The following NHSL3 variants were observed in gnomAD, a reference collection of about 807,000 sequenced individuals.
NHSL3 encodes the protein NHS-like protein 3.
At chr1:32,754,080 C>A in the NHSL3 span, 1 of 660,602 alleles carries the variant, frequency 1.5e-6, no homozygotes, top group East Asian at 3.3e-5. Flanking sequence ...CGCCGGCTCC[C>A]GCACCCGCAA....
the NHSL3 span, among the ~76,000 whole-genome samples, chr1:32,748,682 CT>C: frequency 6.6e-6 from 1 of 152,122 alleles, no homozygotes; most frequent in East Asian, 1.9e-4. Context: ...TTTCCAGCCA[CT>C]TTCTTCTTGG....
At chr1:32,767,392 G>A in the NHSL3 span, among the ~76,000 whole-genome samples, 12 of 152,084 alleles carry the variant, frequency 7.9e-5, no homozygotes, top group African/African-American at 1.7e-4. Flanking sequence ...GTTTACGTGC[G>A]GGCTGGGTGT....
At chr1:32,750,268 T>G in the NHSL3 span, among the ~76,000 whole-genome samples, 1 of 152,122 alleles carries the variant, frequency 6.6e-6, no homozygotes, top group Non-Finnish European at 1.5e-5. Flanking sequence ...TGTACTCCAC[T>G]GTCCTGAGGG....
chr1:32,768,727 A>G, the NHSL3 span: 2 of 1,614,112 alleles, frequency 1.2e-6, no homozygotes, highest in Non-Finnish European at 1.7e-6. Context: ...TGAGAGCTCC[A>G]CAGCAGAGGA....
the NHSL3 span, chr1:32,742,063 G>T: frequency 7.9e-7 from 1 of 1,262,578 alleles, no homozygotes; most frequent in Non-Finnish European, 1.0e-6. Flanking sequence ...CCTCCGCCGC[G>T]CCTTCAGCTG....
chr1:32,754,175 C>G, the NHSL3 span: 1 of 709,912 alleles, frequency 1.4e-6, no homozygotes, highest in Non-Finnish European at 2.6e-6. Flanking sequence ...GCGAAGCGGC[C>G]GGCAGGTAGG....
At chr1:32,768,992 T>G in the NHSL3 span, 2 of 508,822 alleles carry the variant, frequency 3.9e-6, no homozygotes, top group South Asian at 5.6e-5. Flanking sequence ...GGCTCACGCC[T>G]GTAATCCCAG....
At chr1:32,743,026 G>A in the NHSL3 span, among the ~76,000 whole-genome samples, 1 of 152,230 alleles carries the variant, frequency 6.6e-6, no homozygotes, top group African/African-American at 2.4e-5. Flanking sequence ...GAAAGGCGGG[G>A]AAGCCGACCT....
chr1:32,766,567 G>A, the NHSL3 span, among the ~76,000 whole-genome samples: 4 of 152,272 alleles, frequency 2.6e-5, no homozygotes, highest in Middle Eastern at 0.01. Context: ...CTGACCTGTG[G>A]GATTCCTGCA....
At chr1:32,771,026 T>G in the NHSL3 span, 4 of 1,563,132 alleles carry the variant, frequency 2.6e-6, no homozygotes, top group Non-Finnish European at 3.5e-6. Flanking sequence ...CCAGAGCGTG[T>G]CACGTCTCTT....
At chr1:32,768,887 G>C in the NHSL3 span, 5 of 1,284,784 alleles carry the variant, frequency 3.9e-6, no homozygotes, top group South Asian at 5.7e-5. Context: ...CAATGAATTC[G>C]GGAAACACAG....
chr1:32,756,473 C>CCA, the NHSL3 span, among the ~76,000 whole-genome samples: 1 of 102,834 alleles, frequency 9.7e-6, no homozygotes, highest in East Asian at 3.5e-4. Flanking sequence ...TGACGAGACC[C>CCA]CCCCCCCCCG....
chr1:32,771,647 C>T, the NHSL3 span: 18 of 1,612,438 alleles, frequency 1.1e-5, no homozygotes, highest in South Asian at 1.5e-4. Flanking sequence ...TCCTCAGCTA[C>T]TGCTTTGCAG....
chr1:32,770,790 C>A, the NHSL3 span: 1 of 1,589,378 alleles, frequency 6.3e-7, no homozygotes. This position sits in a 1 kb window ranked among gnomAD's most constrained non-coding sequence, Gnocchi z 8.3. Context: ...CTCGGCCACC[C>A]ACCACTGGTG....
chr1:32,752,670 C>T, the NHSL3 span, among the ~76,000 whole-genome samples: 83 of 149,126 alleles, frequency 5.6e-4, no homozygotes, highest in Non-Finnish European at 1.1e-3. Context: ...CTCTGCCTCC[C>T]AGGTTCAAGC....
chr1:32,771,623 C>T, the NHSL3 span: 98 of 1,613,088 alleles, frequency 6.1e-5, no homozygotes, highest in East Asian at 1.6e-4. Context: ...GTCAGCTCCC[C>T]GGCTGCTTCG....
At chr1:32,773,858 C>T in the NHSL3 span, 2 of 152,722 alleles carry the variant, frequency 1.3e-5, no homozygotes, top group African/African-American at 4.8e-5. Flanking sequence ...CATTCTCTGA[C>T]CTTTCTCTCT....
At chr1:32,750,945 G>A in the NHSL3 span, among the ~76,000 whole-genome samples, 2 of 151,940 alleles carry the variant, frequency 1.3e-5, no homozygotes, top group South Asian at 2.1e-4. Flanking sequence ...CCAAGTAGCC[G>A]GGACTACAGG....
the NHSL3 span, chr1:32,770,984 C>T: frequency 6.2e-7 from 1 of 1,611,888 alleles, no homozygotes; most frequent in African/African-American, 1.3e-5. This position sits in a 1 kb window ranked among gnomAD's most constrained non-coding sequence, Gnocchi z 8.3. Flanking sequence ...GCAGGTCCCC[C>T]TGCTTCCCCA....
Sources: gnomAD v4.1 joint callset for allele counts (sites outside exome capture counted in the v4.1 genomes callset) on GRCh38, gnomAD v4.1.1 for gene constraint, Gnocchi (gnomAD v3.1) non-coding constraint, MANE v1.5 for transcripts, NCBI Gene and HGNC (gene_info 2026-07-23, HGNC 2026-07-21) for gene names.